The following IQGAP2 variants were observed in gnomAD, a reference collection of about 807,000 sequenced individuals.
The protein encoded by IQGAP2 is IQ motif containing GTPase activating protein 2.
A neutral mutation model predicts 201.3 loss-of-function variants in IQGAP2; 173 were observed. That is an observed-to-expected ratio of 0.86 (90% confidence interval 0.76 to 0.98). The LOEUF is 0.98. Ranked by LOEUF, IQGAP2 falls within the 50% of genes least tolerant of loss-of-function variation. IQGAP2 has a pLI of 0.00. For synonymous variants in IQGAP2, 675 were observed against 673.9 expected (o/e 1.00, Z -0.03); for missense variants, 1,687 against 1,864.8 (o/e 0.90, Z 1.76).
intron 30 of IQGAP2, among the ~76,000 whole-genome samples, chr5:76,687,221 T>C (rs1052431879): frequency 1.3e-5 from 2 of 152,234 alleles, no homozygotes; most frequent in Non-Finnish European, 2.9e-5. Flanking sequence ...CTTGGCATAC[T>C]GTGAGATCTT....
intron 14 of IQGAP2, among the ~76,000 whole-genome samples, chr5:76,629,978 G>A (rs1055653006): frequency 2.0e-5 from 3 of 152,210 alleles, no homozygotes; most frequent in South Asian, 4.1e-4. Flanking sequence ...CAAAGCAAGC[G>A]CATTGAAGTT....
intron 2 of IQGAP2, among the ~76,000 whole-genome samples, chr5:76,555,997 C>T (rs545736068): frequency 6.6e-6 from 1 of 152,168 alleles, no homozygotes; most frequent in African/African-American, 2.4e-5. Context: ...GGGTATATAC[C>T]CTGGGGTTTG....
chr5:76,436,857 T>G (rs1190470673), intron 1 of IQGAP2, among the ~76,000 whole-genome samples: 2 of 151,838 alleles, frequency 1.3e-5, no homozygotes, highest in Admixed American at 1.3e-4. Context: ...TAATTCTGTT[T>G]ATGTGATGTA....
chr5:76,650,624 T>C lies in IQGAP2; in HGVS notation c.2095-2126T>C, dbSNP rs115273506. Among the ~76,000 whole-genome samples, 347 of 152,386 alleles carry C rather than the reference T, an allele frequency of 2.3e-3. 1 individual carries two copies. The highest frequency in any genetic ancestry group is 8.1e-3 in the African/African-American group (339 of 41,600). On this transcript the variant is annotated intron_variant, in intron 17 of 35. Transcript: ENST00000274364. ...GTCAGTATATATGACCTTACTTTAC[T>C]CTTTTTTTATATATATACTTTAAGT...
intron 17 of IQGAP2, among the ~76,000 whole-genome samples, chr5:76,649,535 C>G (rs1016635945): frequency 4.6e-5 from 7 of 152,186 alleles, no homozygotes; most frequent in African/African-American, 1.4e-4. Context: ...TTTTTCTACT[C>G]TTGAGTTTTT....
intron 3 of IQGAP2, among the ~76,000 whole-genome samples, chr5:76,568,219 G>A (rs770824173): frequency 3.2e-4 from 49 of 152,168 alleles, no homozygotes; most frequent in Admixed American, 1.1e-3. Flanking sequence ...TTTGAAATCT[G>A]TCATTTCATT....
chr5:76,496,726 TTTCTTTC>T (rs1756937945), intron 2 of IQGAP2, among the ~76,000 whole-genome samples: 1 of 24,248 alleles, frequency 4.1e-5, no homozygotes, highest in African/African-American at 2.2e-4. Flanking sequence ...CTTTCTTTCT[TTTCTTTC>T]TTTCTTTCTT....
intron 28 of IQGAP2, among the ~76,000 whole-genome samples, chr5:76,681,444 G>A (rs997548647): frequency 3.8e-4 from 58 of 151,714 alleles, no homozygotes; most frequent in African/African-American, 1.4e-3. Flanking sequence ...GTATACAGAT[G>A]GTCAGCATCA....
At chr5:76,477,341 A>T (rs1755494140) in intron 2 of IQGAP2, among the ~76,000 whole-genome samples, 1 of 152,208 alleles carries the variant, frequency 6.6e-6, no homozygotes, top group Non-Finnish European at 1.5e-5. Context: ...ACCCTGTCTC[A>T]AATCAAAACA....
intron 5 of IQGAP2, among the ~76,000 whole-genome samples, chr5:76,580,583 T>C (rs899829531): frequency 6.6e-6 from 1 of 152,256 alleles, no homozygotes; most frequent in Non-Finnish European, 1.5e-5. Context: ...ACAACTTCCT[T>C]TTTGGACACT....
At position 76,701,307 on chromosome 5, in the gene IQGAP2, T is replaced by C. The variant is rs1747366557; in HGVS notation, c.4505+94T>C. The C allele has an allele frequency of 2.8e-5, 32 of 1,136,606 alleles. No individual in the cohort carries two copies. The South Asian group carries it at 4.1e-4, about 15-fold the overall frequency. 70.4% of individuals were successfully genotyped at this position (1,136,606 alleles called of 1,614,324 possible). On this transcript the variant is annotated intron_variant, in intron 34 of 35. Transcript: ENST00000274364. ...CCATTTGGTCTAGCAAGGCTTAACC[T>C]CAATTACTGATGGGTGACAAGGGAA...
chr5:76,436,493 A>ATATATATATATATATATATATATATATT (rs1752669661), intron 1 of IQGAP2, among the ~76,000 whole-genome samples: 1 of 17,146 alleles, frequency 5.8e-5, no homozygotes. Context: ...ATATATATAT[A>ATATATATATATATATATATATATATATT]TATATATATA....
chr5:76,620,338 G>A (rs961777389), intron 13 of IQGAP2, among the ~76,000 whole-genome samples: 1 of 148,968 alleles, frequency 6.7e-6, no homozygotes, highest in African/African-American at 2.5e-5. Flanking sequence ...GAACACGTGA[G>A]ACTCTGATGG....
At chr5:76,653,594 T>C (rs1580730615) in intron 18 of IQGAP2, among the ~76,000 whole-genome samples, 2 of 152,264 alleles carry the variant, frequency 1.3e-5, no homozygotes, top group East Asian at 3.9e-4. Flanking sequence ...TCATTTGTAT[T>C]TTAAAAAATA....
At chr5:76,686,334 G>GTT (rs143998388) in intron 30 of IQGAP2, among the ~76,000 whole-genome samples, 8 of 129,486 alleles carry the variant, frequency 6.2e-5, no homozygotes, top group Non-Finnish European at 6.5e-5. Flanking sequence ...CAGTTTATCT[G>GTT]TTTTTTTTGT....
intron 1 of IQGAP2, among the ~76,000 whole-genome samples, chr5:76,406,900 T>C (rs1750827652): frequency 6.6e-6 from 1 of 152,244 alleles, no homozygotes; most frequent in Admixed American, 6.5e-5. Flanking sequence ...CACTGTTTGC[T>C]TCTTTTAAAA....
chr5:76,582,456 T>G (rs1745935289), intron 5 of IQGAP2, among the ~76,000 whole-genome samples: 1 of 152,148 alleles, frequency 6.6e-6, no homozygotes, highest in Non-Finnish European at 1.5e-5. Flanking sequence ...GTTTTACCAG[T>G]TTTGGGACCA....
At chr5:76,647,404 C>G (rs1752134865) in intron 17 of IQGAP2, among the ~76,000 whole-genome samples, 1 of 152,126 alleles carries the variant, frequency 6.6e-6, no homozygotes, top group Non-Finnish European at 1.5e-5. Context: ...CCACCCGAAT[C>G]TCATCTTGAA....
intron 2 of IQGAP2, among the ~76,000 whole-genome samples, chr5:76,481,196 G>A (rs557564286): frequency 1.3e-5 from 2 of 152,062 alleles, no homozygotes; most frequent in East Asian, 3.9e-4. Flanking sequence ...CCTTATATGG[G>A]AACTGACAAT....
Sources: allele counts gnomAD v4.1 joint callset (sites outside exome capture counted in the v4.1 genomes callset), GRCh38; gene constraint gnomAD v4.1.1; transcripts MANE v1.5; gene names NCBI Gene and HGNC (gene_info 2026-07-23, HGNC 2026-07-21).